Variants in SPAG16 observed in about 807,000 individuals in gnomAD.
SPAG16 encodes the protein sperm-associated antigen 16 protein.
A neutral mutation model predicts 80.4 loss-of-function variants in SPAG16; 86 were observed. That is an observed-to-expected ratio of 1.07 (90% CI 0.90 to 1.28). The LOEUF (loss-of-function observed/expected upper bound fraction) is 1.28, where lower values mean the gene tolerates loss of function less well. Ranked by LOEUF, SPAG16 falls within the 50% of genes most tolerant of loss-of-function variation. The pLI is 0.00. For synonymous variants in SPAG16, 294 were observed against 265.9 expected, an observed-to-expected ratio of 1.11 and a Z score of -1.03; for missense variants, 870 against 765.3, an observed-to-expected ratio of 1.14 and a Z score of -1.61.
chr2:213,781,292 A>C (rs1390121810), intron 10 of SPAG16, among the ~76,000 whole-genome samples: 1 of 152,184 alleles, frequency 6.6e-6, no homozygotes, highest in African/African-American at 2.4e-5. Flanking sequence ...ATGAAAACTT[A>C]TATAGAATAT....
chr2:214,365,042 C>T (rs1699390950), intron 15 of SPAG16, among the ~76,000 whole-genome samples: 1 of 152,054 alleles, frequency 6.6e-6, no homozygotes, highest in African/African-American at 2.4e-5. Flanking sequence ...TAAGGAGACA[C>T]ATTGTAAAGG....
chr2:214,299,917 T>C (rs1020492188), intron 15 of SPAG16, among the ~76,000 whole-genome samples: 1 of 152,208 alleles, frequency 6.6e-6, no homozygotes, highest in Non-Finnish European at 1.5e-5. Context: ...TTCAGTAACT[T>C]TGTAAAGAAA....
At chr2:213,586,200 G>T (rs908947266) in intron 10 of SPAG16, among the ~76,000 whole-genome samples, 3 of 152,178 alleles carry the variant, frequency 2.0e-5, no homozygotes, top group Admixed American at 6.5e-5. Flanking sequence ...TGATGAGCCA[G>T]TATCTTAGTT....
Position 214,159,377 on chromosome 2 carries a change from G to A in SPAG16, c.1720+10111G>A, listed in dbSNP as rs191784521. On this transcript the variant is annotated intron_variant, in intron 15 of 15. Coordinates refer to ENST00000331683, the MANE Select transcript of SPAG16 (RefSeq NM_024532.5). ...GTGCACACATACTGCATGACCCAAA[G>A]TCAAGTAGCTCAAGAATTTGTCATC... Among the ~76,000 whole-genome samples the A allele has an allele frequency of 9.9e-5, 15 of 152,070 alleles. No individual in the cohort carries two copies. The East Asian group carries it at 2.9e-3, about 29-fold the overall frequency.
intron 15 of SPAG16, among the ~76,000 whole-genome samples, chr2:214,333,837 T>C (rs567659212): frequency 6.6e-6 from 1 of 152,346 alleles, no homozygotes; most frequent in African/African-American, 2.4e-5. Context: ...TGGAAACAAC[T>C]GAGTCAAAGC....
intron 15 of SPAG16, among the ~76,000 whole-genome samples, chr2:214,297,078 T>G (rs563595512): frequency 6.6e-6 from 1 of 152,300 alleles, no homozygotes; most frequent in East Asian, 1.9e-4. Flanking sequence ...ATAAAATTGT[T>G]TTCTTAATAA....
At chr2:213,826,464 AT>A (rs1281787451) in intron 10 of SPAG16, among the ~76,000 whole-genome samples, 4 of 151,388 alleles carry the variant, frequency 2.6e-5, no homozygotes, top group African/African-American at 4.8e-5. Context: ...GTTTCAAGAA[AT>A]TTTTCAATTT....
chr2:214,263,832 G>C (rs1691354605), intron 15 of SPAG16, among the ~76,000 whole-genome samples: 1 of 152,136 alleles, frequency 6.6e-6, no homozygotes, highest in Non-Finnish European at 1.5e-5. Context: ...ACAGATATTT[G>C]TGTATACATC....
Position 213,859,200 on chromosome 2 carries a change from AAAAAAAAAAAAAAAAAC to A in SPAG16, c.1071-3284_1071-3268del, listed in dbSNP as rs1365613915. Among the ~76,000 whole-genome samples the A allele has an allele frequency of 8.3e-3, 1,149 of 139,202 alleles. 49 individuals carry two copies. The highest frequency in any genetic ancestry group is 0.015 in the Middle Eastern group (4 of 274). 91.3% of individuals were successfully genotyped at this position (139,202 alleles called of 152,430 possible). The stretch of plus-strand genomic sequence containing the variant: ...TCTCAAAAAAAAAAAAAAAAAAAAA[AAAAAAAAAAAAAAAAAC>A]TCAATGTCCTCTGACAACTTGATGT... On this transcript the variant is annotated intron_variant, in intron 10 of 15. Coordinates refer to ENST00000331683, the MANE Select transcript of SPAG16 (RefSeq NM_024532.5).
At chr2:214,024,834 A>G (rs564857090) in intron 13 of SPAG16, among the ~76,000 whole-genome samples, 2 of 151,750 alleles carry the variant, frequency 1.3e-5, no homozygotes, top group East Asian at 3.9e-4. Context: ...GGATTGTCAC[A>G]TATAAATATT....
At chr2:213,512,476 G>C (rs1008001871) in intron 10 of SPAG16, among the ~76,000 whole-genome samples, 2 of 152,108 alleles carry the variant, frequency 1.3e-5, no homozygotes, top group African/African-American at 4.8e-5. Flanking sequence ...TATAATTACT[G>C]GAAAAAATGA....
rs372765752 is a variant in SPAG16, at chr2:214,298,135, TAC to T, written c.1721-112001_1721-112000del. On this transcript the variant is annotated intron_variant, in intron 15 of 15. Coordinates refer to ENST00000331683, the MANE Select transcript of SPAG16 (RefSeq NM_024532.5). ...ATATACACACACACACACACACACA[TAC>T]ACATACACACACACACACATATACA... 2.2e-3 allele frequency among the ~76,000 whole-genome samples: 290 copies of T among 129,246 alleles called. 3 individuals carry two copies. The South Asian group carries it at 0.023, about 10-fold the overall frequency. The allele number at this position is 129,246 out of a possible 152,430, so 84.8% of individuals were successfully genotyped here.
intron 15 of SPAG16, among the ~76,000 whole-genome samples, chr2:214,277,200 C>A (rs762044189): frequency 5.9e-5 from 9 of 151,950 alleles, no homozygotes; most frequent in Non-Finnish European, 1.3e-4. Context: ...GATCTTTTTT[C>A]AAGGTTTTTA....
At chr2:213,327,746 A>G (rs961583523) in intron 5 of SPAG16, among the ~76,000 whole-genome samples, 4 of 152,078 alleles carry the variant, frequency 2.6e-5, no homozygotes, top group Admixed American at 1.3e-4. Flanking sequence ...ACATATCCTA[A>G]TATTTTTGGT....
At chr2:214,034,591 A>G (rs2048588376) in intron 13 of SPAG16, among the ~76,000 whole-genome samples, 4 of 152,226 alleles carry the variant, frequency 2.6e-5, no homozygotes, top group Admixed American at 2.6e-4. Flanking sequence ...GTGCATAGCC[A>G]GGCACGCTGG....
chr2:213,549,539 A>G (rs1162394139), intron 10 of SPAG16, among the ~76,000 whole-genome samples: 2 of 152,252 alleles, frequency 1.3e-5, no homozygotes, highest in East Asian at 3.9e-4. Context: ...ACTTCTCTCC[A>G]ACAGCAACTT....
chr2:213,983,301 G>A lies in SPAG16; in HGVS notation c.1401-30650G>A, dbSNP rs184114717. On this transcript the variant is annotated intron_variant, in intron 12 of 15. Coordinates refer to ENST00000331683, the MANE Select transcript of SPAG16 (RefSeq NM_024532.5). The stretch of plus-strand genomic sequence containing the variant: ...TAAAATAAGAGAACAAATTTAAAGT[G>A]AGCCAACTCAAGTTTATTAAGAAAA... Among the ~76,000 whole-genome samples, 271 of 151,958 alleles carry A rather than the reference G, an allele frequency of 1.8e-3. 2 individuals carry two copies. Among genetic ancestry groups the A allele is most frequent in the African/African-American group, 5.8e-3 (241 of 41,506 alleles).
At chr2:214,195,303 T>TGATAGATAGATAGATAGATAGATAGATA (rs78351450) in intron 15 of SPAG16, among the ~76,000 whole-genome samples, 5,304 of 146,688 alleles carry the variant, frequency 0.036, 128 homozygotes, top group Non-Finnish European at 0.046. Context: ...AGATGAGAGA[T>TGATAGATAGATAGATAGATAGATAGATA]GATAGATAGA....
intron 1 of SPAG16, among the ~76,000 whole-genome samples, chr2:213,294,728 A>G (rs2062430441): frequency 6.6e-6 from 1 of 152,190 alleles, no homozygotes; most frequent in Admixed American, 6.5e-5. Context: ...GATGGAGCTT[A>G]GTAGCAGTAA....
Sources: allele counts gnomAD v4.1 joint callset (sites outside exome capture counted in the v4.1 genomes callset), GRCh38; gene constraint gnomAD v4.1.1; transcripts MANE v1.5; gene names NCBI Gene and HGNC (gene_info 2026-07-23, HGNC 2026-07-21).